Variants in PCDHA6 observed in about 807,000 individuals in gnomAD.
PCDHA6 encodes the protein protocadherin alpha-6.
A neutral mutation model predicts 60.3 loss-of-function variants in PCDHA6; 55 were observed. The observed-to-expected ratio is 0.91, with a 90% CI of 0.73 to 1.14. The LOEUF is 1.14. Ranked by LOEUF, PCDHA6 falls within the 50% of genes most tolerant of loss-of-function variation. PCDHA6 has a pLI of 0.00. For synonymous variants in PCDHA6, 652 were observed against 557.9 expected, an observed-to-expected ratio of 1.17 and a Z score of -2.38; for missense variants, 1,327 against 1,256.5, an observed-to-expected ratio of 1.06 and a Z score of -0.85.
intron 1 of PCDHA6, chr5:140,842,796 A>T (rs2150344571): frequency 6.3e-7 from 1 of 1,594,198 alleles, no homozygotes. Flanking sequence ...CTGGTGTCCT[A>T]CTCGCTTGTG....
chr5:140,896,764 G>C (rs2153454405), intron 1 of PCDHA6, among the ~76,000 whole-genome samples: 1 of 152,136 alleles, frequency 6.6e-6, no homozygotes, highest in East Asian at 1.9e-4. Context: ...GACCTTTGTT[G>C]GATGCATAGT....
At chr5:140,974,712 G>C (rs999445044) in intron 1 of PCDHA6, among the ~76,000 whole-genome samples, 1 of 152,076 alleles carries the variant, frequency 6.6e-6, no homozygotes, top group African/African-American at 2.4e-5. Flanking sequence ...TGTTGTTCAA[G>C]CTGCTCTCGA....
intron 1 of PCDHA6, among the ~76,000 whole-genome samples, chr5:140,925,028 T>C (rs2082253756): frequency 6.6e-6 from 1 of 151,580 alleles, no homozygotes; most frequent in Admixed American, 6.6e-5. Context: ...GGAGGATCGC[T>C]TGAGCCCAGA....
At chr5:140,850,426 G>T (rs2150483795) in intron 1 of PCDHA6, 2 of 1,597,836 alleles carry the variant, frequency 1.3e-6, no homozygotes, top group Non-Finnish European at 1.7e-6. Flanking sequence ...GACGCACCGC[G>T]CCAGCGCCTA....
chr5:140,837,199 TTAGTC>T (rs1774954755), intron 1 of PCDHA6: 1 of 152,580 alleles, frequency 6.6e-6, no homozygotes, highest in Non-Finnish European at 1.5e-5. Flanking sequence ...CTTTTTATCT[TTAGTC>T]TAGAACTTGA....
intron 1 of PCDHA6, chr5:140,871,565 G>A: frequency 3.4e-6 from 5 of 1,483,114 alleles, no homozygotes; most frequent in South Asian, 1.4e-5. Context: ...TTTTTTTCAC[G>A]GATTTTTTAA....
At chr5:140,923,423 G>A (rs533295733) in intron 1 of PCDHA6, among the ~76,000 whole-genome samples, 1 of 152,142 alleles carries the variant, frequency 6.6e-6, no homozygotes. Context: ...GGCTACTTGG[G>A]AGGCTGGGGT....
intron 3 of PCDHA6, 40 bp downstream of exon 3, chr5:140,982,603 G>A: frequency 6.2e-7 from 1 of 1,607,892 alleles, no homozygotes; most frequent in East Asian, 2.2e-5. Context: ...TTGGTTTCTG[G>A]AAAGTGATCA....
intron 1 of PCDHA6, among the ~76,000 whole-genome samples, chr5:140,964,804 G>A (rs1484818069): frequency 6.6e-6 from 1 of 152,012 alleles, no homozygotes; most frequent in African/African-American, 2.4e-5. Context: ...CAAGAAAGGA[G>A]ACAGGAATAG....
intron 1 of PCDHA6, among the ~76,000 whole-genome samples, chr5:140,955,093 G>A (rs1554221774): frequency 6.6e-6 from 1 of 152,118 alleles, no homozygotes; most frequent in African/African-American, 2.4e-5. Flanking sequence ...TAGGTGTGTG[G>A]TGTTATTTCT....
chr5:140,908,155 G>A (rs559304647), intron 1 of PCDHA6, among the ~76,000 whole-genome samples: 3 of 152,312 alleles, frequency 2.0e-5, no homozygotes, highest in East Asian at 3.9e-4. Flanking sequence ...TCCTAGGAAG[G>A]GGCTGTAGTG....
chr5:140,896,256 C>T (rs1335099704), intron 1 of PCDHA6, among the ~76,000 whole-genome samples: 3 of 152,192 alleles, frequency 2.0e-5, no homozygotes, highest in Non-Finnish European at 4.4e-5. Flanking sequence ...TGGTTATGTA[C>T]ACAGTTATGG....
chr5:140,830,442 G>GTACC lies in PCDHA6; in HGVS notation c.2353_2354insCCTA (p.Lys785ThrfsTer2), dbSNP rs1771071526. ...CTTTCACCTTGTCCTATTATGATGG[G>GTACC]TAAGGCGGAGAATCAGGATTTAAAT... On this transcript the variant is annotated frameshift_variant, in exon 1 of 4. Coordinates refer to ENST00000529310, the MANE Select transcript of PCDHA6 (RefSeq NM_018909.4). LOFTEE classifies it high-confidence loss of function. The GTACC allele has an allele frequency of 6.2e-7, 1 of 1,608,220 alleles. No individual in the cohort carries two copies.
At chr5:140,831,386 G>A (rs1185235315) in intron 1 of PCDHA6, among the ~76,000 whole-genome samples, 1 of 151,812 alleles carries the variant, frequency 6.6e-6, no homozygotes, top group East Asian at 1.9e-4. Flanking sequence ...GTGTGACAGG[G>A]TCTTGCTCTG....
At chr5:140,865,328 G>C (rs2048826529) in intron 1 of PCDHA6, 2 of 152,116 alleles carry the variant, frequency 1.3e-5, no homozygotes. Flanking sequence ...CTTTAATTCT[G>C]TGTAAAGAAA....
At chr5:140,862,291 C>G (rs1029513176) in intron 1 of PCDHA6, 4 of 265,238 alleles carry the variant, frequency 1.5e-5, no homozygotes, top group African/African-American at 6.6e-5. Context: ...TACAGGAGGA[C>G]GCTCCACTGG....
chr5:140,909,411 CATTTGG>C (rs2074480921), intron 1 of PCDHA6, among the ~76,000 whole-genome samples: 2 of 152,142 alleles, frequency 1.3e-5, no homozygotes, highest in African/African-American at 4.8e-5. Flanking sequence ...TTGCAGTTAC[CATTTGG>C]TTAAACTTAT....
At chr5:140,986,052 C>A (rs896963006) in intron 3 of PCDHA6, among the ~76,000 whole-genome samples, 3 of 152,066 alleles carry the variant, frequency 2.0e-5, no homozygotes, top group Admixed American at 1.3e-4. Flanking sequence ...CTGATGAATT[C>A]TTTTGCTTTT....
intron 1 of PCDHA6, among the ~76,000 whole-genome samples, chr5:140,938,877 ACACACACACACACAGATGCG>A (rs1350432569): frequency 6.6e-6 from 1 of 150,854 alleles, no homozygotes; most frequent in Non-Finnish European, 1.5e-5. Flanking sequence ...TTAAGAAGCA[ACACACACACACACAGATGCG>A]CACACACACA....
Sources: gnomAD v4.1 joint callset for allele counts (sites outside exome capture counted in the v4.1 genomes callset) on GRCh38, gnomAD v4.1.1 for gene constraint, MANE v1.5 for transcripts, NCBI Gene and HGNC (gene_info 2026-07-23, HGNC 2026-07-21) for gene names.